UHRF1: variants seen among roughly 807,000 people sequenced by gnomAD.
The protein encoded by UHRF1 is E3 ubiquitin-protein ligase UHRF1.
In UHRF1, 9 loss-of-function variants were observed where a neutral mutation model predicts 96.5. The observed-to-expected ratio is 0.09, with a 90% CI of 0.06 to 0.16. The LOEUF (loss-of-function observed/expected upper bound fraction) is 0.16. UHRF1 is among the 10% of genes least tolerant of loss of function. The probability of loss-of-function intolerance (pLI) is 1.00; values close to 1 mark genes in which losing one functional copy is unlikely to be tolerated. For missense variants in UHRF1, 626 were observed against 1,131.1 expected, an observed-to-expected ratio of 0.55 and a Z score of 6.40; for synonymous variants, 455 against 469.9, an observed-to-expected ratio of 0.97 and a Z score of 0.41.
chr19:4,929,437 T>C lies in UHRF1; in HGVS notation c.369T>C (p.Asp123=), dbSNP rs760064678. 23 of 1,613,530 alleles carry C rather than the reference T, an allele frequency of 1.4e-5. No homozygotes were observed. The highest frequency in any genetic ancestry group is 1.2e-4 in the African/African-American group (9 of 74,804). The change falls in exon 3 of 17, where the codon GAT becomes GAC. Residue 123 remains aspartate, a synonymous_variant. Transcript: ENST00000650932. ...AAAETDSRPA[D]EDMWDETELG... is the part of the protein sequence containing the mutation. ...CCGAGACTGACAGCAGGCCAGCCGA[T>C]GAGGACATGTGGGATGAGACGGAAT...
rs759583740 is a variant in UHRF1, at chr19:4,937,660, G to C, written c.786-3868G>C. 3.5e-4 allele frequency among the ~76,000 whole-genome samples: 53 copies of C among 152,214 alleles called. 1 individual carries two copies. Among genetic ancestry groups the C allele is most frequent in the South Asian group, 1.5e-3 (7 of 4,822 alleles). On this transcript the variant is annotated intron_variant, in intron 5 of 16. Coordinates refer to ENST00000650932, the MANE Select transcript of UHRF1 (RefSeq NM_001048201.3). Reference sequence around the variant, plus strand: ...ATTATAGGCGTGAGCCACTTCGCCCGGCCAGTTTAGGATTTATTTGAGTAA... The same window carrying C: ...ATTATAGGCGTGAGCCACTTCGCCCCGCCAGTTTAGGATTTATTTGAGTAA...
rs1045795404 is a variant in UHRF1, at chr19:4,930,385, G to A, written c.409-331G>A. Among the ~76,000 whole-genome samples the A allele has an allele frequency of 7.2e-5, 11 of 152,346 alleles. No individual in the cohort carries two copies. Among genetic ancestry groups the A allele is most frequent in the African/African-American group, 2.4e-4 (10 of 41,590 alleles). On this transcript the variant is annotated intron_variant, in intron 3 of 16. Coordinates refer to ENST00000650932, the MANE Select transcript of UHRF1 (RefSeq NM_001048201.3). This position sits in a 1 kb window ranked among gnomAD's most constrained non-coding sequence, Gnocchi z 4.4. ...GGCCTCCCAAAGTGCTGGTATTCCA[G>A]GCGTGAGCCACGACGCCCTGCCTGG... is the stretch of plus-strand genomic sequence containing the variant.
At chr19:4,923,573 C>T (rs117032156) in intron 2 of UHRF1, among the ~76,000 whole-genome samples, 1,669 of 152,316 alleles carry the variant, frequency 0.011, 19 homozygotes, top group Middle Eastern at 0.041. Context: ...ATGCTCACGC[C>T]GCTCTGGCAG....
chr19:4,942,600 C>G (rs1599282988), intron 7 of UHRF1, among the ~76,000 whole-genome samples: 1 of 152,166 alleles, frequency 6.6e-6, no homozygotes, highest in East Asian at 1.9e-4. Flanking sequence ...AGGTGCCTGC[C>G]ACCACATCCG....
chr19:4,934,707 C>T (rs548966327), intron 5 of UHRF1, among the ~76,000 whole-genome samples: 3 of 152,278 alleles, frequency 2.0e-5, no homozygotes, highest in East Asian at 3.9e-4. Flanking sequence ...AACGGCGTTC[C>T]AAGTACAGGT....
At chr19:4,932,690 G>A (rs560927363) in intron 4 of UHRF1, 51 bp from the exon 5 acceptor site, 5 of 1,594,744 alleles carry the variant, frequency 3.1e-6, no homozygotes, top group South Asian at 2.2e-5. Context: ...CCCATTGAGG[G>A]AAGGAGGCTT....
At chr19:4,904,676 C>A (rs1486200940), upstream of UHRF1, among the ~76,000 whole-genome samples, 1 of 152,184 alleles carries the variant, frequency 6.6e-6, no homozygotes, top group African/African-American at 2.4e-5. Flanking sequence ...CAGGGTGAGA[C>A]CTTGTCTAAG....
intron 9 of UHRF1, 60 bp from the exon 10 acceptor site, chr19:4,945,801 G>A (rs2033546393): frequency 2.8e-6 from 4 of 1,441,842 alleles, no homozygotes; most frequent in Non-Finnish European, 3.8e-6. Context: ...GGAGGGCGGT[G>A]GAGCTTCTCT....
intron 1 of UHRF1, among the ~76,000 whole-genome samples, chr19:4,904,072 G>C (rs542891573): frequency 2.0e-5 from 3 of 152,222 alleles, no homozygotes; most frequent in Admixed American, 2.0e-4. Flanking sequence ...TGCCCCCTGG[G>C]TTCAAGCGAT....
Position 4,937,180 on chromosome 19 carries a change from G to A in UHRF1, c.785+4224G>A, listed in dbSNP as rs568513500. ...AATCACACAGTATGTAACCTTTTGG[G>A]ATTGATTCTTTTTTTCCCGACTCTC... On this transcript the variant is annotated intron_variant, in intron 5 of 16. Transcript: ENST00000650932. 6.6e-5 allele frequency among the ~76,000 whole-genome samples: 10 copies of A among 151,998 alleles called. No homozygotes were observed. In the South Asian group the frequency reaches 1.7e-3, roughly 25 times the overall value.
chr19:4,933,382 A>AT (rs746303927), intron 5 of UHRF1, among the ~76,000 whole-genome samples: 10 of 151,714 alleles, frequency 6.6e-5, no homozygotes, highest in South Asian at 2.1e-4. Context: ...CACCTGGCTA[A>AT]TTTTTTTGTA....
chr19:4,925,074 G>T (rs555063751), intron 2 of UHRF1, among the ~76,000 whole-genome samples: 1 of 152,166 alleles, frequency 6.6e-6, no homozygotes, highest in Admixed American at 6.6e-5. Context: ...TGATCCACCT[G>T]CCTTGGCCTC....
intron 2 of UHRF1, among the ~76,000 whole-genome samples, chr19:4,919,240 C>T (rs1232421470): frequency 6.6e-6 from 1 of 151,752 alleles, no homozygotes; most frequent in East Asian, 1.9e-4. Flanking sequence ...GTGATCCTCC[C>T]GTCTTGGCCT....
intron 16 of UHRF1, among the ~76,000 whole-genome samples, chr19:4,957,463 C>T (rs902152973): frequency 2.6e-5 from 4 of 152,040 alleles, no homozygotes; most frequent in South Asian, 2.1e-4. Flanking sequence ...CGCCCGCCAC[C>T]GTGCCCGGCT....
intron 15 of UHRF1, among the ~76,000 whole-genome samples, chr19:4,955,225 T>C (rs2033826603): frequency 1.3e-5 from 2 of 152,144 alleles, no homozygotes; most frequent in Non-Finnish European, 2.9e-5. Context: ...GAGCCCGACA[T>C]GGGCCTTGCT....
intron 2 of UHRF1, 126 bp downstream of exon 2, chr19:4,911,164 T>G: frequency 1.1e-6 from 1 of 902,376 alleles, no homozygotes; most frequent in Non-Finnish European, 1.6e-6. Flanking sequence ...ACTTCATCTC[T>G]CCCGGAAGGA....
At chr19:4,917,111 G>GTTTTTTT (rs59815341) in intron 2 of UHRF1, among the ~76,000 whole-genome samples, 1 of 77,190 alleles carries the variant, frequency 1.3e-5, no homozygotes, top group South Asian at 5.2e-4. Context: ...TTAAGTTTTC[G>GTTTTTTT]TTTTTTTTTT....
chr19:4,938,730 G>GGTTTTTTTTTTTTTTTTTTTTTTT (rs1568421924), intron 5 of UHRF1, among the ~76,000 whole-genome samples: 2 of 61,566 alleles, frequency 3.2e-5, no homozygotes, highest in Admixed American at 2.5e-4. Context: ...TTTTGGTCAG[G>GGTTTTTTTTTTTTTTTTTTTTTTT]TTTTTTTTTT....
rs1026682678 is a variant in UHRF1, at chr19:4,935,886, C to T, written c.785+2930C>T. Among the ~76,000 whole-genome samples the T allele has an allele frequency of 4.6e-5, 7 of 152,278 alleles. No homozygotes were observed. The East Asian group carries it at 9.6e-4, about 21-fold the overall frequency. On this transcript the variant is annotated intron_variant, in intron 5 of 16. Coordinates refer to ENST00000650932, the MANE Select transcript of UHRF1 (RefSeq NM_001048201.3). ...CACCAGTTATACACCAGCTGCTGCC[C>T]GTTTACCCTGAGACAGATAACCTGC...
Sources: gnomAD v4.1 joint callset for allele counts (sites outside exome capture counted in the v4.1 genomes callset) on GRCh38, gnomAD v4.1.1 for gene constraint, Gnocchi (gnomAD v3.1) non-coding constraint, MANE v1.5 for transcripts, NCBI Gene and HGNC (gene_info 2026-07-23, HGNC 2026-07-21) for gene names.